Variants in CCDC33 observed in about 807,000 individuals in gnomAD.
The protein encoded by CCDC33 is coiled-coil domain-containing protein 33.
In CCDC33, 94 loss-of-function variants were observed where a neutral mutation model predicts 91.9. That is an observed-to-expected ratio of 1.02 (90% CI 0.87 to 1.21). CCDC33 has a LOEUF of 1.21. Among genes scored for constraint, CCDC33 ranks in the 50% most tolerant of loss-of-function variants. CCDC33 has a pLI of 0.00. For missense variants in CCDC33, 940 were observed against 935.5 expected (o/e 1.00, Z -0.06); for synonymous variants, 396 against 374.5 (o/e 1.06, Z -0.66).
At chr15:74,255,174 G>A (rs879929199) in intron 2 of CCDC33, among the ~76,000 whole-genome samples, 1 of 150,434 alleles carries the variant, frequency 6.6e-6, no homozygotes, top group African/African-American at 2.5e-5. Context: ...GCCAATATAC[G>A]TCTCCACTCA....
intron 3 of CCDC33, among the ~76,000 whole-genome samples, chr15:74,264,999 C>T (rs1020468043): frequency 1.3e-5 from 2 of 152,188 alleles, no homozygotes; most frequent in South Asian, 2.1e-4. Context: ...TGCCCTCTCC[C>T]CCTTCTTTCC....
intron 2 of CCDC33, among the ~76,000 whole-genome samples, chr15:74,248,449 A>C (rs2075604970): frequency 6.6e-6 from 1 of 151,580 alleles, no homozygotes; most frequent in Admixed American, 6.6e-5. Flanking sequence ...ATCTTCTCTC[A>C]CCTGAGGTTG....
intron 11 of CCDC33, among the ~76,000 whole-genome samples, chr15:74,304,959 T>C (rs1889266801): frequency 2.0e-5 from 3 of 152,018 alleles, no homozygotes; most frequent in South Asian, 4.2e-4. Context: ...CTTTTTTTTT[T>C]TTTAGACAGA....
intron 2 of CCDC33, among the ~76,000 whole-genome samples, chr15:74,229,963 G>C (rs1016080762): frequency 4.6e-5 from 7 of 152,246 alleles, no homozygotes; most frequent in African/African-American, 1.7e-4. Context: ...GAAGGTTGCA[G>C]CGAATCTTTG....
chr15:74,280,313 T>C (rs1186921632), intron 8 of CCDC33, among the ~76,000 whole-genome samples: 10 of 152,010 alleles, frequency 6.6e-5, no homozygotes, highest in Admixed American at 6.5e-4. Flanking sequence ...CCAAGCTTTG[T>C]TTTATTGCAC....
chr15:74,268,968 A>G (rs934849433), intron 5 of CCDC33, among the ~76,000 whole-genome samples: 12 of 152,160 alleles, frequency 7.9e-5, no homozygotes, highest in African/African-American at 2.2e-4. Flanking sequence ...GCGATTAGGT[A>G]TTTAGTTTAT....
At chr15:74,295,364 TAG>T (rs1466310084) in intron 10 of CCDC33, among the ~76,000 whole-genome samples, 2 of 152,148 alleles carry the variant, frequency 1.3e-5, no homozygotes, top group Admixed American at 1.3e-4. Context: ...GATAAATGAA[TAG>T]AGAGTATATT....
chr15:74,292,713 C>T (rs2059607189), intron 10 of CCDC33, among the ~76,000 whole-genome samples: 1 of 152,170 alleles, frequency 6.6e-6, no homozygotes, highest in Non-Finnish European at 1.5e-5. Flanking sequence ...ATGGAGCAGC[C>T]ATGGGAGCAG....
At chr15:74,237,173 T>A (rs769431101) in intron 1 of CCDC33, among the ~76,000 whole-genome samples, 5 of 152,256 alleles carry the variant, frequency 3.3e-5, no homozygotes, top group Non-Finnish European at 5.9e-5. Context: ...TAGGCCCCTG[T>A]CCTGGAACAC....
intron 18 of CCDC33, 135 bp from the exon 19 acceptor site, chr15:74,335,790 T>C (rs2060553996): frequency 2.8e-6 from 2 of 709,328 alleles, no homozygotes; most frequent in Admixed American, 4.6e-5. Flanking sequence ...GCAAAATGGG[T>C]TTAGAAATCT....
chr15:74,207,234 G>T (rs1050757942), intron 1 of CCDC33, among the ~76,000 whole-genome samples: 1 of 152,236 alleles, frequency 6.6e-6, no homozygotes, highest in Non-Finnish European at 1.5e-5. Flanking sequence ...CAGCAGGCCA[G>T]AAGGAATGGG....
At chr15:74,209,212 A>G (rs1295490598) in intron 1 of CCDC33, 9 of 1,055,046 alleles carry the variant, frequency 8.5e-6, no homozygotes, top group African/African-American at 4.8e-5. Flanking sequence ...CTCCAGCGGT[A>G]TAGCCTCTCC....
At chr15:74,208,296 C>G (rs755479075) in intron 1 of CCDC33, among the ~76,000 whole-genome samples, 49 of 152,230 alleles carry the variant, frequency 3.2e-4, no homozygotes, top group Admixed American at 8.5e-4. Flanking sequence ...AGAGGGCTTC[C>G]TGCCTTCGGA....
upstream of CCDC33, among the ~76,000 whole-genome samples, chr15:74,235,055 T>G (rs1407331041): frequency 1.3e-5 from 2 of 152,152 alleles, no homozygotes; most frequent in East Asian, 3.9e-4. Context: ...CACTGAGACC[T>G]TTCCACACAT....
In CCDC33 at chr15:74,335,009, A is replaced by T. The variant is rs773652491; in HGVS notation, c.2060A>T (p.Lys687Met). 3.1e-6 allele frequency: 5 copies of T among 1,613,992 alleles called. No individual in the cohort carries two copies. The highest frequency in any genetic ancestry group is 4.2e-6 in the Non-Finnish European group (5 of 1,180,002). ...TCAGCTCGACGCTGGGGACGAGAGA[A>T]GCAGGATCTGGCCACACGGCTGCAG... is the stretch of plus-strand genomic sequence containing the variant. The part of the protein sequence containing the change: ...EDSARRWGRE[K>M]QDLATRLQEQ... Residue 687 changes from lysine (K) to methionine (M), a missense_variant, in exon 18 of 19, where the codon AAG becomes ATG. Coordinates refer to ENST00000398814, the MANE Select transcript of CCDC33 (RefSeq NM_025055.5).
At chr15:74,299,809 C>T (rs1225785356) in intron 11 of CCDC33, 1 of 152,576 alleles carries the variant, frequency 6.6e-6, no homozygotes, top group Non-Finnish European at 1.5e-5. Flanking sequence ...TGTTTATCCT[C>T]TCACCTCTGG....
chr15:74,258,717 GC>G (rs1461764920), intron 2 of CCDC33, among the ~76,000 whole-genome samples: 1 of 152,124 alleles, frequency 6.6e-6, no homozygotes, highest in African/African-American at 2.4e-5. Context: ...GGGGAAAGCG[GC>G]TCATGAGCAC....
chr15:74,255,479 GA>G (rs1196490131), intron 2 of CCDC33, among the ~76,000 whole-genome samples: 2 of 152,270 alleles, frequency 1.3e-5, no homozygotes, highest in South Asian at 4.1e-4. Context: ...CAAAGGTGGG[GA>G]CAGAGGAGCA....
At chr15:74,334,383 G>A (rs116248337) in intron 17 of CCDC33, among the ~76,000 whole-genome samples, 3,668 of 151,260 alleles carry the variant, frequency 0.024, 119 homozygotes, top group African/African-American at 0.086. Context: ...TACATCCAGG[G>A]TCAGGGTTCA....
Sources: allele counts gnomAD v4.1 joint callset (sites outside exome capture counted in the v4.1 genomes callset), GRCh38; gene constraint gnomAD v4.1.1; transcripts MANE v1.5; gene names NCBI Gene and HGNC (gene_info 2026-07-23, HGNC 2026-07-21).